Variants in OSBPL10 observed in about 807,000 individuals in gnomAD.
OSBPL10 encodes oxysterol-binding protein-related protein 10.
In OSBPL10, 49 loss-of-function variants were observed where a neutral mutation model predicts 81.7. That is an observed-to-expected ratio of 0.60 (90% CI 0.48 to 0.76). OSBPL10 has a LOEUF of 0.76. Among genes scored for constraint, OSBPL10 ranks in the 30% least tolerant of loss-of-function variants. The pLI is 0.00. For missense variants in OSBPL10, 923 were observed against 987.8 expected (o/e 0.93, Z 0.88); for synonymous variants, 419 against 383.6 (o/e 1.09, Z -1.08).
At chr3:31,766,871 G>A (rs576912797) in intron 4 of OSBPL10, among the ~76,000 whole-genome samples, 1 of 152,190 alleles carries the variant, frequency 6.6e-6, no homozygotes, top group South Asian at 2.1e-4. Flanking sequence ...TCTTATAAAT[G>A]CCTGTGATAA....
intron 4 of OSBPL10, among the ~76,000 whole-genome samples, chr3:31,787,133 T>C (rs1157388731): frequency 6.6e-6 from 1 of 152,142 alleles, no homozygotes; most frequent in African/African-American, 2.4e-5. Context: ...GTCCCTTAGT[T>C]TGTTTGCATT....
intron 1 of OSBPL10, among the ~76,000 whole-genome samples, chr3:31,929,162 C>A (rs1292994551): frequency 2.6e-5 from 4 of 151,738 alleles, no homozygotes; most frequent in Non-Finnish European, 5.9e-5. Flanking sequence ...TGATAATATT[C>A]AACATCCATT....
chr3:31,838,488 G>C (rs946640849), intron 3 of OSBPL10, among the ~76,000 whole-genome samples: 3 of 141,090 alleles, frequency 2.1e-5, no homozygotes, highest in Non-Finnish European at 4.5e-5. Flanking sequence ...TCCAGCCTGG[G>C]CGACAGAGCA....
chr3:31,701,064 A>C (rs893885020), intron 7 of OSBPL10, among the ~76,000 whole-genome samples: 2 of 152,176 alleles, frequency 1.3e-5, no homozygotes, highest in African/African-American at 4.8e-5. Flanking sequence ...CACTTCAAAG[A>C]AAAGATTTGT....
intron 3 of OSBPL10, among the ~76,000 whole-genome samples, chr3:31,865,249 G>T (rs57426540): frequency 0.066 from 10,058 of 152,224 alleles, 1,116 homozygotes; most frequent in African/African-American, 0.23. Context: ...TGTGATAATG[G>T]AAATGCTCTA....
rs189079839 is a variant in OSBPL10 at position 31,954,081 on chromosome 3, T to C, written c.281+26818A>G. Among the ~76,000 whole-genome samples the C allele has an allele frequency of 5.1e-4, 78 of 152,320 alleles. No individual in the cohort carries two copies. In the Middle Eastern group the frequency reaches 0.01, roughly 20 times the overall value. ...TCAAAATCCTCAACAACAAAAATCATTAAGAGAAGTCTGGGTTCATCCTTT... is the reference window on the plus strand; with the variant it reads ...TCAAAATCCTCAACAACAAAAATCACTAAGAGAAGTCTGGGTTCATCCTTT... On this transcript the variant is annotated intron_variant, in intron 1 of 11. Transcript: ENST00000396556.
At chr3:31,748,173 G>C in intron 4 of OSBPL10, 53 bp from the exon 5 acceptor site, 8 of 1,501,002 alleles carry the variant, frequency 5.3e-6, no homozygotes, top group Non-Finnish European at 6.4e-6. Context: ...CTTTCGACAG[G>C]CTGGGGAGGC....
At chr3:31,867,080 A>C (rs192725566) in intron 3 of OSBPL10, among the ~76,000 whole-genome samples, 43 of 152,326 alleles carry the variant, frequency 2.8e-4, no homozygotes, top group African/African-American at 8.2e-4. Flanking sequence ...ACCATATGCC[A>C]ATCTAACCAC....
chr3:31,865,635 T>C (rs1303803713), intron 3 of OSBPL10, among the ~76,000 whole-genome samples: 2 of 152,198 alleles, frequency 1.3e-5, no homozygotes, highest in African/African-American at 2.4e-5. Flanking sequence ...ATCCAGTCTA[T>C]GGTAGCTTGT....
intron 5 of OSBPL10, among the ~76,000 whole-genome samples, 160 bp downstream of exon 5, chr3:31,747,750 T>A (rs1348752097): frequency 6.6e-6 from 1 of 152,220 alleles, no homozygotes; most frequent in Non-Finnish European, 1.5e-5. Context: ...CATAAAAATA[T>A]ATCCCAAACA....
intron 2 of OSBPL10, among the ~76,000 whole-genome samples, chr3:32,012,897 C>T (rs1699274394): frequency 6.6e-6 from 1 of 152,158 alleles, no homozygotes; most frequent in Non-Finnish European, 1.5e-5. Context: ...AGCTAACTAT[C>T]CTAAATATAT....
At chr3:31,771,125 G>A (rs1698369617) in intron 4 of OSBPL10, among the ~76,000 whole-genome samples, 1 of 152,212 alleles carries the variant, frequency 6.6e-6, no homozygotes, top group African/African-American at 2.4e-5. Flanking sequence ...CTAATACACA[G>A]CAAGTGTTAC....
chr3:32,028,928 ACACACACACAC>A (rs1559551940), intron 2 of OSBPL10, among the ~76,000 whole-genome samples: 2,057 of 97,698 alleles, frequency 0.021, 45 homozygotes, highest in African/African-American at 0.029. Flanking sequence ...GCTAGTCAGG[ACACACACACAC>A]ACACACACAC....
intron 1 of OSBPL10, among the ~76,000 whole-genome samples, chr3:31,947,722 G>T (rs1363210505): frequency 6.6e-6 from 1 of 152,182 alleles, no homozygotes; most frequent in Non-Finnish European, 1.5e-5. Context: ...AGCACAGTAT[G>T]ACAGGCTGGA....
intron 1 of OSBPL10, among the ~76,000 whole-genome samples, chr3:32,071,411 G>A (rs1460288024): frequency 6.6e-6 from 1 of 152,056 alleles, no homozygotes; most frequent in Non-Finnish European, 1.5e-5. Context: ...TCCATTCCTT[G>A]AAAACAGCTT....
chr3:32,006,546 A>T (rs1347009040), intron 2 of OSBPL10, among the ~76,000 whole-genome samples: 1 of 152,190 alleles, frequency 6.6e-6, no homozygotes, highest in Non-Finnish European at 1.5e-5. Context: ...CCCCAAAAAG[A>T]TACTCTTCCT....
chr3:31,869,205 GAC>G (rs1351148141), intron 3 of OSBPL10, among the ~76,000 whole-genome samples: 1 of 151,310 alleles, frequency 6.6e-6, no homozygotes, highest in Non-Finnish European at 1.5e-5. Context: ...AAGATGAGGA[GAC>G]AGAGGTTCAG....
chr3:31,906,676 C>A (rs952465835), intron 1 of OSBPL10, among the ~76,000 whole-genome samples: 2 of 152,170 alleles, frequency 1.3e-5, no homozygotes, highest in Admixed American at 1.3e-4. Context: ...CCCTCTAATC[C>A]TCCTCCCACA....
intron 1 of OSBPL10, among the ~76,000 whole-genome samples, chr3:31,965,459 T>TATATGTTATATAATATATATTG (rs71068019): frequency 2.9e-5 from 2 of 69,948 alleles, no homozygotes; most frequent in African/African-American, 1.4e-4. Flanking sequence ...TAATATATAA[T>TATATGTTATATAATATATATTG]TTATATAATA....
Sources: gnomAD v4.1 joint callset for allele counts (sites outside exome capture counted in the v4.1 genomes callset) on GRCh38, gnomAD v4.1.1 for gene constraint, MANE v1.5 for transcripts, NCBI Gene and HGNC (gene_info 2026-07-23, HGNC 2026-07-21) for gene names.